Variants in KLHDC7A observed in about 807,000 individuals in gnomAD.
KLHDC7A encodes kelch domain-containing protein 7A.
For missense variants in KLHDC7A, 1,123 were observed against 1,052.6 expected (o/e 1.07, Z -0.93); for synonymous variants, 464 against 461.0 (o/e 1.01, Z -0.08).
In KLHDC7A at chr1:18,482,452, C is replaced by CGCCAGTACCTGGTGGTGGCTGACGTGT; in HGVS notation, c.1475_1501dup (p.Gln492_Cys500dup). The CGCCAGTACCTGGTGGTGGCTGACGTGT allele has an allele frequency of 6.2e-7, 1 of 1,610,618 alleles. No individual in the cohort carries two copies. The highest frequency in any genetic ancestry group is 8.5e-7 in the Non-Finnish European group (1 of 1,179,840). On this transcript the variant is annotated inframe_insertion, in exon 1 of 1. Coordinates refer to ENST00000400664, the MANE Select transcript of KLHDC7A (RefSeq NM_152375.3). ...GATCCTGCAGCGCCGGCTCCGGGGC[C>CGCCAGTACCTGGTGGTGGCTGACGTGT]GCCAGTACCTGGTGGTGGCTGACGT... is the stretch of plus-strand genomic sequence containing the variant.
At position 18,484,153 on chromosome 1, in the gene KLHDC7A, G is replaced by C; in HGVS notation, c.*838G>C. On this transcript the variant is annotated 3_prime_UTR_variant, in exon 1 of 1. Coordinates refer to ENST00000400664, the MANE Select transcript of KLHDC7A (RefSeq NM_152375.3). Reference sequence around the variant, plus strand: ...TGCACTCATTCTCAGATCTGTAGCCGTCTTCCTGTCTGGAAGCTGGGGCAA... The same window carrying C: ...TGCACTCATTCTCAGATCTGTAGCCCTCTTCCTGTCTGGAAGCTGGGGCAA... 12 of 756,206 alleles carry C rather than the reference G, an allele frequency of 1.6e-5. No individual in the cohort carries two copies. In the South Asian group the frequency reaches 1.8e-4, roughly 11 times the overall value. The allele number at this position is 756,206 out of a possible 1,614,324, so 46.8% of individuals were successfully genotyped here.
rs1557446341 is a variant in KLHDC7A at position 18,483,302 on chromosome 1, A to T, written c.2321A>T (p.Gln774Leu). The change falls in exon 1 of 1, where the codon CAG becomes CTG. Residue 774 changes from glutamine to leucine, a missense_variant. Gln to Leu is a moderately radical substitution (Grantham distance 113, BLOSUM62 -2). Coordinates refer to ENST00000400664, the MANE Select transcript of KLHDC7A (RefSeq NM_152375.3). ...VLTLPTPDLP[Q>L]TRV ...ACCTTGCCCACCCCCGATTTGCCTCAGACCAGGGTCTAGCAGTCCCTCAAC... is the reference window on the plus strand; with the variant it reads ...ACCTTGCCCACCCCCGATTTGCCTCTGACCAGGGTCTAGCAGTCCCTCAAC... 9.9e-6 allele frequency: 16 copies of T among 1,612,838 alleles called. No homozygotes were observed. Among genetic ancestry groups the T allele is most frequent in the Non-Finnish European group, 1.3e-5 (15 of 1,179,740 alleles).
chr1:18,484,410 G>T lies in KLHDC7A; in HGVS notation c.*1095G>T. 4.1e-6 allele frequency: 1 copy of T among 246,656 alleles called. No individual in the cohort carries two copies. The highest frequency in any genetic ancestry group is 8.6e-6 in the Non-Finnish European group (1 of 115,832). 15.3% of individuals were successfully genotyped at this position (246,656 alleles called of 1,614,324 possible). ...ACCTGTCCTTCCAGGAGGGACGGGA[G>T]AGAGCCTGACCCAGTGTATTACCAC... On this transcript the variant is annotated 3_prime_UTR_variant, in exon 1 of 1. Coordinates refer to ENST00000400664, the MANE Select transcript of KLHDC7A (RefSeq NM_152375.3).
rs267598247 is a variant in KLHDC7A at position 18,482,554 on chromosome 1, C to T, written c.1573C>T (p.Pro525Ser). 2 of 1,611,526 alleles carry T rather than the reference C, an allele frequency of 1.2e-6. No individual in the cohort carries two copies. The highest frequency in any genetic ancestry group is 8.5e-7 in the Non-Finnish European group (1 of 1,179,924). The stretch of plus-strand genomic sequence containing the variant: ...TGTCTGGCGCCCGCTGGCTCGCATG[C>T]CCCCCGAGGCCGTGTCCCGGGGCTG... ...QDVWRPLARMPPEAVSRGCAI... is the reference protein window; with the variant it reads ...QDVWRPLARMSPEAVSRGCAI... Residue 525 changes from proline (P) to serine (S), a missense_variant, in exon 1 of 1, where the codon CCC (proline) becomes TCC (serine). Transcript: ENST00000400664.
rs1252570245 is a variant in KLHDC7A, at chr1:18,481,251, A to G, written c.270A>G (p.Glu90=). The change falls in exon 1 of 1, where the codon GAA becomes GAG. Residue 90 remains glutamate (E), a synonymous_variant. Coordinates refer to ENST00000400664, the MANE Select transcript of KLHDC7A (RefSeq NM_152375.3). ...PRRRRSSKRA[E]APQGCSCENP... Reference sequence around the variant, plus strand: ...GTCGGAGGAGCAGCAAGCGGGCTGAAGCACCACAGGGCTGCAGCTGTGAGA... The same window carrying G: ...GTCGGAGGAGCAGCAAGCGGGCTGAGGCACCACAGGGCTGCAGCTGTGAGA... The G allele has an allele frequency of 6.3e-7, 1 of 1,584,808 alleles. No individual in the cohort carries two copies. The highest frequency in any genetic ancestry group is 1.2e-5 in the South Asian group (1 of 86,356).
rs747398702 is a variant in KLHDC7A, at chr1:18,482,830, C to A, written c.1849C>A (p.Pro617Thr). 2 of 1,610,922 alleles carry A rather than the reference C, an allele frequency of 1.2e-6. No individual in the cohort carries two copies. The highest frequency in any genetic ancestry group is 4.5e-5 in the East Asian group (2 of 44,826). ...CCTGGACCGCTGGGACTTTGCCCCG[C>A]CGCTCCCCAGTGACACGTTCGCCCT... Reference protein sequence around the residue: ...PRLDRWDFAPPLPSDTFALAH... With the variant: ...PRLDRWDFAPTLPSDTFALAH... Residue 617 changes from proline to threonine, a missense_variant, in exon 1 of 1, where the codon CCG (proline) becomes ACG (threonine). By Grantham distance (38) the Pro-to-Thr change is conservative. Coordinates refer to ENST00000400664, the MANE Select transcript of KLHDC7A (RefSeq NM_152375.3).
In KLHDC7A at chr1:18,482,658, C is replaced by T. The variant is rs749583317; in HGVS notation, c.1677C>T (p.Val559=). The change falls in exon 1 of 1, where the codon GTC becomes GTT. Residue 559 remains valine (V), a synonymous_variant. Coordinates refer to ENST00000400664, the MANE Select transcript of KLHDC7A (RefSeq NM_152375.3). ...QGPGHQPSSR[V]FCYNPLTGIW... is the part of the protein sequence containing the mutation. Reference sequence around the variant, plus strand: ...CCGGGCACCAGCCCTCCAGCCGCGTCTTCTGCTACAACCCGCTCACGGGGA... The same window carrying T: ...CCGGGCACCAGCCCTCCAGCCGCGTTTTCTGCTACAACCCGCTCACGGGGA... 4 of 1,608,796 alleles carry T rather than the reference C, an allele frequency of 2.5e-6. No homozygotes were observed. The East Asian group carries it at 6.7e-5, about 27-fold the overall frequency.
At position 18,482,204 on chromosome 1, in the gene KLHDC7A, A is replaced by T. The variant is rs2086896884; in HGVS notation, c.1223A>T (p.Gln408Leu). 1.9e-6 allele frequency: 3 copies of T among 1,610,530 alleles called. No homozygotes were observed. The highest frequency in any genetic ancestry group is 2.2e-5 in the South Asian group (2 of 91,078). ...LGRSSREPHV[Q>L]PVAGTNFFHI... is the part of the protein sequence containing the mutation. ...AGAAGCAGCCGGGAGCCCCATGTGC[A>T]GCCGGTGGCCGGGACCAATTTCTTC... Residue 408 changes from glutamine (Q) to leucine (L), a missense_variant, in exon 1 of 1, where the codon CAG becomes CTG. Coordinates refer to ENST00000400664, the MANE Select transcript of KLHDC7A (RefSeq NM_152375.3).
In KLHDC7A at chr1:18,481,976, C is replaced by G. The variant is rs1175049540; in HGVS notation, c.995C>G (p.Ser332Trp). The G allele has an allele frequency of 1.9e-6, 3 of 1,612,640 alleles. No individual in the cohort carries two copies. The highest frequency in any genetic ancestry group is 1.3e-5 in the African/African-American group (1 of 74,936). ...PPGSLGTGAA[S>W]GGQAGDTKGA... is the part of the protein sequence containing the mutation. ...GGGTCCCTGGGAACAGGGGCTGCCT[C>G]GGGAGGCCAAGCCGGTGACACAAAG... The change falls in exon 1 of 1, where the codon TCG (serine) becomes TGG (tryptophan). Residue 332 changes from serine (S) to tryptophan (W), a missense_variant. Transcript: ENST00000400664.
Position 18,481,387 on chromosome 1 carries a change from G to T in KLHDC7A, c.406G>T (p.Val136Leu). ...CGGGCAGGGCTCGGACTCTGAGCAG[G>T]TGCCTCCTTGCTGCCCCAGCCAGGA... is the stretch of plus-strand genomic sequence containing the variant. Reference protein sequence around the residue: ...RGGQGSDSEQVPPCCPSQETR... With the variant: ...RGGQGSDSEQLPPCCPSQETR... The change falls in exon 1 of 1, where the codon GTG (valine) becomes TTG (leucine). Residue 136 changes from valine (V) to leucine (L), a missense_variant. By Grantham distance (32) the Val-to-Leu change is conservative (BLOSUM62 1). Coordinates refer to ENST00000400664, the MANE Select transcript of KLHDC7A (RefSeq NM_152375.3). The T allele has an allele frequency of 1.9e-6, 3 of 1,612,744 alleles. No individual in the cohort carries two copies. Among genetic ancestry groups the T allele is most frequent in the Non-Finnish European group, 2.5e-6 (3 of 1,179,488 alleles).
rs2086902936 is a variant in KLHDC7A at position 18,482,537 on chromosome 1, G to GC, written c.1559dup (p.Leu521AlafsTer101). On this transcript the variant is annotated frameshift_variant, in exon 1 of 1. Coordinates refer to ENST00000400664, the MANE Select transcript of KLHDC7A (RefSeq NM_152375.3). LOFTEE classifies it low-confidence loss of function (END_TRUNC). ...TATGACGATGAGCAGGATGTCTGGC[G>GC]CCCGCTGGCTCGCATGCCCCCCGAG... is the stretch of plus-strand genomic sequence containing the variant. The GC allele has an allele frequency of 6.2e-7, 1 of 1,612,064 alleles. No homozygotes were observed. Among genetic ancestry groups the GC allele is most frequent in the African/African-American group, 1.3e-5 (1 of 75,052 alleles).
Position 18,483,486 on chromosome 1 carries a change from A to C in KLHDC7A, c.*171A>C, listed in dbSNP as rs888487936. The C allele has an allele frequency of 4.1e-6, 6 of 1,449,510 alleles. No individual in the cohort carries two copies. The highest frequency in any genetic ancestry group is 1.4e-5 in the African/African-American group (1 of 69,608). The allele number at this position is 1,449,510 out of a possible 1,614,324, so 89.8% of individuals were successfully genotyped here. On this transcript the variant is annotated 3_prime_UTR_variant, in exon 1 of 1. Transcript: ENST00000400664. The stretch of plus-strand genomic sequence containing the variant: ...GCTGGGGAGAGAGGGATCTTAGATG[A>C]GTCTTACCCTTCATGGGCTGCAGAG...
At position 18,483,034 on chromosome 1, in the gene KLHDC7A, AACCGCAGCCTGGGCATCGCCGTGT is replaced by A. The variant is rs914503379; in HGVS notation, c.2059_2082del (p.Ser687_Arg694del). ...CGGCTTTCTCTACCGCTTTGACCTC[AACCGCAGCCTGGGCATCGCCGTGT>A]ACCGCTGCAGCGCCAGCACCCGGCT... On this transcript the variant is annotated inframe_deletion, in exon 1 of 1. Coordinates refer to ENST00000400664, the MANE Select transcript of KLHDC7A (RefSeq NM_152375.3). 8.7e-6 allele frequency: 14 copies of A among 1,613,512 alleles called. No homozygotes were observed. The African/African-American group carries it at 1.6e-4, about 18-fold the overall frequency.
In KLHDC7A at chr1:18,483,846, G is replaced by C. The variant is rs1158364237; in HGVS notation, c.*531G>C. 8.0e-7 allele frequency: 1 copy of C among 1,248,878 alleles called. No homozygotes were observed. The highest frequency in any genetic ancestry group is 1.0e-6 in the Non-Finnish European group (1 of 964,250). 77.4% of individuals were successfully genotyped at this position (1,248,878 alleles called of 1,614,324 possible). On this transcript the variant is annotated 3_prime_UTR_variant, in exon 1 of 1. Transcript: ENST00000400664. The stretch of plus-strand genomic sequence containing the variant: ...AGGCAGGTGACTTGGGCAGGGCCAG[G>C]AAGGAGCCGAGGGAGCCCCAGGGGC...
In KLHDC7A at chr1:18,481,322, A is replaced by C; in HGVS notation, c.341A>C (p.Asp114Ala). 11 of 1,588,776 alleles carry C rather than the reference A, an allele frequency of 6.9e-6. No individual in the cohort carries two copies. The highest frequency in any genetic ancestry group is 9.4e-6 in the Non-Finnish European group (11 of 1,166,948). Residue 114 changes from aspartate to alanine, a missense_variant, in exon 1 of 1, where the codon GAC becomes GCC. Asp to Ala is a moderately radical substitution (Grantham distance 126, BLOSUM62 -2). Transcript: ENST00000400664. ...CTGGTCACGGGGGCCACTTCCACAG[A>C]CAGGAAGCCCCAGAGAAAAGGCTCA... is the stretch of plus-strand genomic sequence containing the variant. ...YVLVTGATST[D>A]RKPQRKGSGE...
In KLHDC7A at chr1:18,484,153, G is replaced by A. The variant is rs866332058; in HGVS notation, c.*838G>A. 29 of 756,202 alleles carry A rather than the reference G, an allele frequency of 3.8e-5. No individual in the cohort carries two copies. Among genetic ancestry groups the A allele is most frequent in the South Asian group, 2.5e-4 (17 of 66,786 alleles). 46.8% of individuals were successfully genotyped at this position (756,202 alleles called of 1,614,324 possible). A position where few individuals can be genotyped will look rare whatever the true frequency, so the allele number is the denominator to read the frequency against. On this transcript the variant is annotated 3_prime_UTR_variant, in exon 1 of 1. Transcript: ENST00000400664. ...TGCACTCATTCTCAGATCTGTAGCC[G>A]TCTTCCTGTCTGGAAGCTGGGGCAA... is the stretch of plus-strand genomic sequence containing the variant.
At position 18,481,170 on chromosome 1, in the gene KLHDC7A, A is replaced by G; in HGVS notation, c.189A>G (p.Ser63=). 1.2e-6 allele frequency: 2 copies of G among 1,610,682 alleles called. No homozygotes were observed. The highest frequency in any genetic ancestry group is 8.5e-7 in the Non-Finnish European group (1 of 1,178,524). The part of the protein sequence containing the change: ...QAEAKEEAEG[S]GQPAVQEASP... Reference sequence around the variant, plus strand: ...AAGCCAAGGAGGAAGCAGAGGGCTCAGGGCAGCCTGCTGTACAGGAGGCTT... The same window carrying G: ...AAGCCAAGGAGGAAGCAGAGGGCTCGGGGCAGCCTGCTGTACAGGAGGCTT... Residue 63 remains serine (S), a synonymous_variant, in exon 1 of 1, where the codon TCA becomes TCG. Transcript: ENST00000400664.
At position 18,481,045 on chromosome 1, in the gene KLHDC7A, G is replaced by A; in HGVS notation, c.64G>A (p.Val22Met). 1 of 1,613,406 alleles carries A rather than the reference G, an allele frequency of 6.2e-7. No individual in the cohort carries two copies. The highest frequency in any genetic ancestry group is 1.3e-5 in the African/African-American group (1 of 75,048). The change falls in exon 1 of 1, where the codon GTG becomes ATG. Residue 22 changes from valine to methionine, a missense_variant. By Grantham distance (21) the Val-to-Met change is conservative. Coordinates refer to ENST00000400664, the MANE Select transcript of KLHDC7A (RefSeq NM_152375.3). ...HLDMQLTGKV[V>M]LSAAALLLVT... is the part of the protein sequence containing the mutation. The stretch of plus-strand genomic sequence containing the variant: ...GGATATGCAGCTGACCGGCAAGGTG[G>A]TGCTGTCAGCCGCTGCCCTGCTCCT...
At position 18,483,311 on chromosome 1, in the gene KLHDC7A, T is replaced by A. The variant is rs745729981; in HGVS notation, c.2330T>A (p.Val777Asp). 4 of 1,611,222 alleles carry A rather than the reference T, an allele frequency of 2.5e-6. No individual in the cohort carries two copies. The Admixed American group carries it at 6.7e-5, about 27-fold the overall frequency. ...ACCCCCGATTTGCCTCAGACCAGGG[T>A]CTAGCAGTCCCTCAACTGAGCTCCT... is the stretch of plus-strand genomic sequence containing the variant. ...LPTPDLPQTR[V>D] Residue 777 changes from valine (V) to aspartate (D), a missense_variant, in exon 1 of 1, where the codon GTC becomes GAC. Physicochemically the swap from Val to Asp is radical, Grantham distance 152. Transcript: ENST00000400664.
Sources: allele counts gnomAD v4.1 joint callset, GRCh38; gene constraint gnomAD v4.1.1; transcripts MANE v1.5; gene names NCBI Gene and HGNC (gene_info 2026-07-23, HGNC 2026-07-21).